Variants in KDM2A observed in about 807,000 individuals in gnomAD.
KDM2A encodes the protein lysine demethylase 2A.
In KDM2A, 3 loss-of-function variants were observed where a neutral mutation model predicts 137.3. The observed-to-expected ratio is 0.02, with a 90% CI of 0.01 to 0.06. The LOEUF is 0.06. Among genes scored for constraint, KDM2A ranks in the 10% least tolerant of loss-of-function variants. The pLI is 1.00. For synonymous variants in KDM2A, 512 were observed against 541.5 expected, an observed-to-expected ratio of 0.95 and a Z score of 0.76; for missense variants, 738 against 1,510.6, an observed-to-expected ratio of 0.49 and a Z score of 8.48.
rs749713514 is a variant in KDM2A at position 67,246,110 on chromosome 11, C to T, written c.1959C>T (p.Cys653=). ...CICNEIVHPG[C]LQMDGEGLLN... is the part of the protein sequence containing the mutation. ...GCAATGAGATTGTTCATCCTGGCTG[C>T]CTCCAGGTGAGGAGAGCTATGAGGG... Residue 653 remains cysteine (C), a synonymous_variant, in exon 15 of 21, where the codon TGC becomes TGT. Coordinates refer to ENST00000529006, the MANE Select transcript of KDM2A (RefSeq NM_012308.3). The T allele has an allele frequency of 1.1e-5, 17 of 1,613,710 alleles. No individual in the cohort carries two copies. The highest frequency in any genetic ancestry group is 1.6e-4 in the Middle Eastern group (1 of 6,078).
At chr11:67,181,990 A>T (rs1267180848) in intron 5 of KDM2A, 98 bp downstream of exon 5, 2 of 993,236 alleles carry the variant, frequency 2.0e-6, no homozygotes, top group Admixed American at 2.0e-5. Context: ...AGGAACATTG[A>T]AGTATATATT....
chr11:67,218,664 G>A (rs888505039), intron 9 of KDM2A, among the ~76,000 whole-genome samples: 15 of 152,124 alleles, frequency 9.9e-5, no homozygotes, highest in African/African-American at 3.1e-4. Flanking sequence ...GAGTGCAGTA[G>A]CGTGATCTTG....
At chr11:67,216,026 A>C in intron 8 of KDM2A, 77 bp downstream of exon 8, 1 of 1,018,972 alleles carries the variant, frequency 9.8e-7, no homozygotes, top group South Asian at 1.3e-5. Context: ...TATACTTAAT[A>C]TACCCTGGAA....
intron 3 of KDM2A, chr11:67,180,420 A>C (rs1857065852): frequency 2.3e-6 from 1 of 436,266 alleles, no homozygotes; most frequent in Admixed American, 4.2e-5. Context: ...TATTAGAAGT[A>C]ATCTTTTTAT....
chr11:67,124,176 A>T (rs1006376454), intron 2 of KDM2A, among the ~76,000 whole-genome samples: 6 of 132,472 alleles, frequency 4.5e-5, no homozygotes, highest in Non-Finnish European at 9.8e-5. Context: ...GCTAATTTTT[A>T]TATTTTTAGT....
intron 2 of KDM2A, among the ~76,000 whole-genome samples, chr11:67,130,879 T>TA (rs1302975670): frequency 1.1e-4 from 17 of 148,852 alleles, no homozygotes; most frequent in Admixed American, 3.3e-4. Flanking sequence ...TTTTTTTTTT[T>TA]AATTATGGAG....
At chr11:67,170,396 TTTTC>T (rs1172632135) in intron 2 of KDM2A, among the ~76,000 whole-genome samples, 15 of 148,788 alleles carry the variant, frequency 1.0e-4, no homozygotes, top group Admixed American at 2.0e-4. Flanking sequence ...GGTTTTTTTT[TTTTC>T]TTTCTTTCTT....
intron 16 of KDM2A, chr11:67,248,572 T>C: frequency 3.9e-6 from 2 of 518,034 alleles, no homozygotes; most frequent in Non-Finnish European, 3.5e-6. Context: ...TTTGTATTAC[T>C]AAATGTTGTT....
chr11:67,217,687 T>G, intron 8 of KDM2A, 44 bp from the exon 9 acceptor site: 1 of 1,600,630 alleles, frequency 6.2e-7, no homozygotes, highest in Non-Finnish European at 8.5e-7. Context: ...GACGACTGGG[T>G]CATGTCAATG....
chr11:67,141,176 T>A (rs747164117), intron 2 of KDM2A, among the ~76,000 whole-genome samples: 3 of 152,128 alleles, frequency 2.0e-5, no homozygotes, highest in Non-Finnish European at 2.9e-5. Flanking sequence ...ACCCATCCAT[T>A]TACTTCTGTC....
intron 6 of KDM2A, among the ~76,000 whole-genome samples, chr11:67,214,207 A>AT (rs58629654): frequency 0.019 from 2,000 of 103,292 alleles, 100 homozygotes; most frequent in East Asian, 0.054. Flanking sequence ...TGCGCAGCTA[A>AT]TTTTTTTTTT....
At chr11:67,214,352 C>A (rs999267893) in intron 6 of KDM2A, among the ~76,000 whole-genome samples, 34 of 151,744 alleles carry the variant, frequency 2.2e-4, no homozygotes, top group Non-Finnish European at 4.3e-4. Context: ...CTACGGGCGC[C>A]CGCCACCACG....
intron 2 of KDM2A, among the ~76,000 whole-genome samples, chr11:67,139,454 A>C (rs952455765): frequency 2.0e-5 from 3 of 152,096 alleles, no homozygotes; most frequent in African/African-American, 7.2e-5. Context: ...CGTGTTGGCC[A>C]GGCTGGTCTT....
chr11:67,130,233 T>G (rs1855823591), intron 2 of KDM2A, among the ~76,000 whole-genome samples: 1 of 152,000 alleles, frequency 6.6e-6, no homozygotes, highest in Non-Finnish European at 1.5e-5. Flanking sequence ...AACTCATACT[T>G]CGTGTTTACT....
intron 5 of KDM2A, among the ~76,000 whole-genome samples, chr11:67,183,640 G>T (rs629570): frequency 0.99 from 151,392 of 152,306 alleles, 75,250 homozygotes; most frequent in East Asian, 1. Context: ...AGTAACAGCT[G>T]CTCCATTCTT....
chr11:67,232,250 A>G (rs892917915), intron 12 of KDM2A, among the ~76,000 whole-genome samples: 6 of 152,244 alleles, frequency 3.9e-5, no homozygotes, highest in African/African-American at 1.4e-4. Context: ...GAAAATATTT[A>G]TATAAGAAAT....
Position 67,235,300 on chromosome 11 carries a change from G to T in KDM2A, c.1479+3340G>T, listed in dbSNP as rs930615665. On this transcript the variant is annotated intron_variant, in intron 12 of 20. Transcript: ENST00000529006. The stretch of plus-strand genomic sequence containing the variant: ...GTAGAATAGGGTTTTCCTACTATGA[G>T]AATTTTTTTTTTTTTTTTTTTGAGA... 1.2e-4 allele frequency among the ~76,000 whole-genome samples: 17 copies of T among 147,116 alleles called. No homozygotes were observed. In the East Asian group the frequency reaches 3.0e-3, roughly 26 times the overall value.
intron 12 of KDM2A, among the ~76,000 whole-genome samples, chr11:67,232,475 A>C (rs942915856): frequency 1.3e-5 from 2 of 152,096 alleles, no homozygotes; most frequent in Non-Finnish European, 2.9e-5. Flanking sequence ...TGCTTTATCA[A>C]GTTTTATGTT....
At chr11:67,185,766 G>A (rs1434641984) in intron 5 of KDM2A, among the ~76,000 whole-genome samples, 2 of 152,042 alleles carry the variant, frequency 1.3e-5, no homozygotes, top group African/African-American at 4.8e-5. Flanking sequence ...GGGTGGGATT[G>A]GTGCTGTTAT....
Sources: allele counts gnomAD v4.1 joint callset (sites outside exome capture counted in the v4.1 genomes callset), GRCh38; gene constraint gnomAD v4.1.1; transcripts MANE v1.5; gene names NCBI Gene and HGNC (gene_info 2026-07-23, HGNC 2026-07-21).